CNTNAP2: variants seen among roughly 807,000 people sequenced by gnomAD.
The protein encoded by CNTNAP2 is contactin-associated protein-like 2.
CNTNAP2 carries 98 observed loss-of-function variants against 155.2 expected under a neutral mutation model. The observed-to-expected ratio is 0.63, with a 90% confidence interval of 0.54 to 0.75. The LOEUF (loss-of-function observed/expected upper bound fraction) is 0.75, where lower values mean the gene tolerates loss of function less well. Among genes scored for constraint, CNTNAP2 ranks in the 30% least tolerant of loss-of-function variants. The probability of loss-of-function intolerance (pLI) is 0.00; values close to 1 mark genes in which losing one functional copy is unlikely to be tolerated. For synonymous variants in CNTNAP2, 651 were observed against 631.2 expected, an observed-to-expected ratio of 1.03 and a Z score of -0.47; for missense variants, 1,727 against 1,688.1, an observed-to-expected ratio of 1.02 and a Z score of -0.40.
chr7:147,802,741 C>G (rs563376167), intron 13 of CNTNAP2, among the ~76,000 whole-genome samples: 4,667 of 137,372 alleles, frequency 0.034, 120 homozygotes, highest in Non-Finnish European at 0.052. Flanking sequence ...GTCCAGCTTC[C>G]GCTCGGCATC....
chr7:146,195,630 G>A (rs1227172307), intron 1 of CNTNAP2, among the ~76,000 whole-genome samples: 1 of 152,066 alleles, frequency 6.6e-6, no homozygotes, highest in Non-Finnish European at 1.5e-5. Flanking sequence ...ATTTTGAAGG[G>A]TGCAAACTGC....
intron 16 of CNTNAP2, among the ~76,000 whole-genome samples, chr7:148,142,895 A>G (rs1308019224): frequency 6.6e-6 from 1 of 152,186 alleles, no homozygotes; most frequent in Non-Finnish European, 1.5e-5. Context: ...AGAGCTCTCC[A>G]TGGTTTTGTC....
chr7:147,933,461 A>G (rs904942157), intron 14 of CNTNAP2, among the ~76,000 whole-genome samples: 1 of 151,910 alleles, frequency 6.6e-6, no homozygotes, highest in African/African-American at 2.4e-5. Context: ...AAAATATGGT[A>G]TATATGTATA....
chr7:146,745,642 C>T (rs377620600), intron 1 of CNTNAP2, among the ~76,000 whole-genome samples: 3 of 151,836 alleles, frequency 2.0e-5, no homozygotes, highest in African/African-American at 7.3e-5. Context: ...TGGTGCACAC[C>T]TGTAATCCCA....
chr7:147,461,629 G>T (rs542635231), intron 10 of CNTNAP2, among the ~76,000 whole-genome samples: 3 of 151,122 alleles, frequency 2.0e-5, no homozygotes, highest in Non-Finnish European at 4.4e-5. Context: ...TCCAGCTTTG[G>T]GGGCATTCTG....
chr7:147,365,383 G>GAAAAACAAAAAA (rs1796211334), intron 9 of CNTNAP2, among the ~76,000 whole-genome samples: 1 of 93,638 alleles, frequency 1.1e-5, no homozygotes, highest in African/African-American at 4.3e-5. Context: ...ATCTCAAAAA[G>GAAAAACAAAAAA]AAAAAAAAAA....
intron 15 of CNTNAP2, among the ~76,000 whole-genome samples, chr7:148,068,248 T>C (rs1803307869): frequency 6.6e-6 from 1 of 152,310 alleles, no homozygotes; most frequent in African/African-American, 2.4e-5. Context: ...AGTTTCCTTT[T>C]CCCTGTTGTC....
chr7:147,734,101 G>A (rs567669397), intron 13 of CNTNAP2, among the ~76,000 whole-genome samples: 8 of 152,146 alleles, frequency 5.3e-5, no homozygotes, highest in East Asian at 1.9e-4. Context: ...GCCTGTTTTC[G>A]AAGGGAATGC....
intron 1 of CNTNAP2, among the ~76,000 whole-genome samples, chr7:146,132,332 T>C (rs1797726995): frequency 1.3e-5 from 2 of 152,208 alleles, no homozygotes; most frequent in African/African-American, 4.8e-5. Flanking sequence ...CATATGCTAA[T>C]ATGCATATAA....
At chr7:148,381,047 G>T (rs548413532) in intron 21 of CNTNAP2, among the ~76,000 whole-genome samples, 47 of 152,366 alleles carry the variant, frequency 3.1e-4, no homozygotes, top group Non-Finnish European at 5.6e-4. Flanking sequence ...CCCTTGCAGG[G>T]GTAAGCACGC....
chr7:147,083,037 C>T (rs1800170062), intron 4 of CNTNAP2: 1 of 152,184 alleles, frequency 6.6e-6, no homozygotes, highest in Non-Finnish European at 1.5e-5. Context: ...GCCTCTCATC[C>T]TCTCTCGCTG....
chr7:148,158,373 T>TC (rs1376134728), intron 17 of CNTNAP2, among the ~76,000 whole-genome samples: 1 of 151,850 alleles, frequency 6.6e-6, no homozygotes, highest in Non-Finnish European at 1.5e-5. Flanking sequence ...CAGGCACACG[T>TC]CACCACACCC....
intron 1 of CNTNAP2, among the ~76,000 whole-genome samples, chr7:146,550,571 T>A (rs998619722): frequency 5.9e-5 from 9 of 152,094 alleles, no homozygotes; most frequent in African/African-American, 1.9e-4. Context: ...TATTTTTCCC[T>A]TTCCTTTTTC....
chr7:146,982,644 T>C (rs923300829), intron 3 of CNTNAP2, among the ~76,000 whole-genome samples: 4 of 152,180 alleles, frequency 2.6e-5, no homozygotes, highest in African/African-American at 9.7e-5. Context: ...ACTAGCTCAA[T>C]CACCAAGGGC....
At chr7:147,562,117 A>G (rs1471762051) in intron 11 of CNTNAP2, 21 bp from the exon 12 acceptor site, 1 of 1,613,728 alleles carries the variant, frequency 6.2e-7, no homozygotes, top group Non-Finnish European at 8.5e-7. Context: ...GTGCTTATGT[A>G]GGATATTTTG....
At position 147,288,876 on chromosome 7, in the gene CNTNAP2, TG is replaced by T. The variant is rs1030816835; in HGVS notation, c.1349-11264del. 9.2e-5 allele frequency among the ~76,000 whole-genome samples: 14 copies of T among 152,302 alleles called. No individual in the cohort carries two copies. In the East Asian group the frequency reaches 2.7e-3, roughly 29 times the overall value. On this transcript the variant is annotated intron_variant, in intron 8 of 23. Transcript: ENST00000361727. ...CACACACTACATACAAAATGTGATG[TG>T]TTCCTTTTCTAAAACCTCCAAAGTG... is the stretch of plus-strand genomic sequence containing the variant.
intron 1 of CNTNAP2, among the ~76,000 whole-genome samples, chr7:146,347,149 A>AG (rs1314674151): frequency 6.6e-6 from 1 of 151,462 alleles, no homozygotes; most frequent in African/African-American, 2.4e-5. Context: ...AAAAAAAAAA[A>AG]AAAAAAAAAA....
At chr7:146,999,650 G>A (rs966126268) in intron 3 of CNTNAP2, among the ~76,000 whole-genome samples, 3 of 151,428 alleles carry the variant, frequency 2.0e-5, no homozygotes, top group Admixed American at 1.3e-4. Flanking sequence ...GCTTTGCAGG[G>A]CATAGTATTT....
chr7:148,101,350 AGTGTGTGTGTGTGTGT>A (rs4015917), intron 15 of CNTNAP2, among the ~76,000 whole-genome samples: 17,473 of 144,410 alleles, frequency 0.12, 1,395 homozygotes, highest in East Asian at 0.39. Flanking sequence ...TAAAAAGTTC[AGTGTGTGTGTGTGTGT>A]GTGTGTGTGT....
Sources: allele counts gnomAD v4.1 joint callset (sites outside exome capture counted in the v4.1 genomes callset), GRCh38; gene constraint gnomAD v4.1.1; transcripts MANE v1.5; gene names NCBI Gene and HGNC (gene_info 2026-07-23, HGNC 2026-07-21).